CTTN: variants seen among roughly 807,000 people sequenced by gnomAD.
CTTN encodes src substrate cortactin.
Under a neutral mutation model 84.0 loss-of-function variants are expected in CTTN, and 28 were observed. The observed-to-expected ratio is 0.33, with a 90% CI of 0.25 to 0.46. CTTN has a LOEUF of 0.46. Ranked by LOEUF, CTTN falls within the 20% of genes least tolerant of loss-of-function variation. The pLI, the probability that CTTN is intolerant of heterozygous loss-of-function variation, is 1.00. For synonymous variants in CTTN, 301 were observed against 288.8 expected (o/e 1.04, Z -0.43); for missense variants, 641 against 723.8 (o/e 0.89, Z 1.31).
chr11:70,399,454 G>C (rs1235382949), intron 1 of CTTN, among the ~76,000 whole-genome samples: 1 of 152,052 alleles, frequency 6.6e-6, no homozygotes, highest in Non-Finnish European at 1.5e-5. Flanking sequence ...GGGACGTGGC[G>C]GAGCAGCTGG....
In CTTN at chr11:70,436,127, G is replaced by A. The variant is rs1005084464; in HGVS notation, c.*965G>A. ...GAACCCTCCTCCTGTCAATGGGGGT[G>A]TAGTATTTTTGCCAAAATATCATGT... On this transcript the variant is annotated 3_prime_UTR_variant, in exon 18 of 18. Transcript: ENST00000301843. 2.2e-5 allele frequency: 31 copies of A among 1,435,756 alleles called. No individual in the cohort carries two copies. Among genetic ancestry groups the A allele is most frequent in the Admixed American group, 5.7e-5 (2 of 34,956 alleles). The allele number at this position is 1,435,756 out of a possible 1,614,324, so 88.9% of individuals were successfully genotyped here. A position where few individuals can be genotyped will look rare whatever the true frequency, so the allele number is the denominator to read the frequency against.
At chr11:70,431,618 C>T (rs1223256588) in intron 15 of CTTN, among the ~76,000 whole-genome samples, 1 of 152,114 alleles carries the variant, frequency 6.6e-6, no homozygotes, top group Non-Finnish European at 1.5e-5. Context: ...CTCTGCTGTG[C>T]AGGACGCCGC....
intron 16 of CTTN, 157 bp from the exon 17 acceptor site, chr11:70,433,490 G>T (rs1336639042): frequency 3.8e-6 from 3 of 780,534 alleles, no homozygotes; most frequent in Non-Finnish European, 6.5e-6. Flanking sequence ...TCCCCATTGT[G>T]CTGGGGACGG....
rs2058407708 is a variant in CTTN at position 70,435,499 on chromosome 11, T to G, written c.*337T>G. On this transcript the variant is annotated 3_prime_UTR_variant, in exon 18 of 18. Transcript: ENST00000301843. Reference sequence around the variant, plus strand: ...AGCTCGCATTCTCTTGTGTTCGTGTTGCCCTCGTGCCCATCAAGTGCAGTC... The same window carrying G: ...AGCTCGCATTCTCTTGTGTTCGTGTGGCCCTCGTGCCCATCAAGTGCAGTC... 3 of 1,556,972 alleles carry G rather than the reference T, an allele frequency of 1.9e-6. No homozygotes were observed. Among genetic ancestry groups the G allele is most frequent in the Non-Finnish European group, 1.7e-6 (2 of 1,158,340 alleles).
At chr11:70,420,707 G>A (rs2058224309) in intron 10 of CTTN, among the ~76,000 whole-genome samples, 197 bp downstream of exon 10, 1 of 152,176 alleles carries the variant, frequency 6.6e-6, no homozygotes, top group Non-Finnish European at 1.5e-5. Flanking sequence ...CTGCTGACAC[G>A]GGGTGGTACC....
At position 70,436,188 on chromosome 11, in the gene CTTN, G is replaced by A; in HGVS notation, c.*1026G>A. ...TAGTTTGATCAGTTGAAGGCTAGAA[G>A]TGTGAAGTGCAGATGAGTGTGTGTT... On this transcript the variant is annotated 3_prime_UTR_variant, in exon 18 of 18. Coordinates refer to ENST00000301843, the MANE Select transcript of CTTN (RefSeq NM_005231.4). 2.6e-6 allele frequency: 4 copies of A among 1,524,728 alleles called. No homozygotes were observed. Among genetic ancestry groups the A allele is most frequent in the Non-Finnish European group, 3.5e-6 (4 of 1,144,978 alleles). 94.4% of individuals were successfully genotyped at this position (1,524,728 alleles called of 1,614,324 possible).
chr11:70,424,645 A>G (rs1250830016), intron 12 of CTTN, among the ~76,000 whole-genome samples: 1 of 152,020 alleles, frequency 6.6e-6, no homozygotes. Flanking sequence ...CTCAAGGGAC[A>G]TGGAGTAGAC....
At chr11:70,413,678 A>G (rs2058121704) in intron 5 of CTTN, among the ~76,000 whole-genome samples, 1 of 152,198 alleles carries the variant, frequency 6.6e-6, no homozygotes, top group Non-Finnish European at 1.5e-5. Context: ...GGCTGACGAC[A>G]TTAATGATGC....
chr11:70,435,180 C>CA lies in CTTN; in HGVS notation c.*18_*19insA. 1 of 1,595,796 alleles carries CA rather than the reference C, an allele frequency of 6.3e-7. No individual in the cohort carries two copies. The highest frequency in any genetic ancestry group is 1.3e-5 in the African/African-American group (1 of 74,526). ...GGCAGTAGGGCCCCCAGCCCCCCCC[C>CA]GGAGCTGCGCCCTGGATCCTCACAC... On this transcript the variant is annotated 3_prime_UTR_variant, in exon 18 of 18. Coordinates refer to ENST00000301843, the MANE Select transcript of CTTN (RefSeq NM_005231.4).
At chr11:70,427,624 G>T (rs764986874) in intron 13 of CTTN, among the ~76,000 whole-genome samples, 2 of 152,272 alleles carry the variant, frequency 1.3e-5, no homozygotes, top group Non-Finnish European at 2.9e-5. Flanking sequence ...GTGCCAGGCA[G>T]TGGTGGTCCT....
At chr11:70,420,900 C>T (rs2058228730) in intron 10 of CTTN, among the ~76,000 whole-genome samples, 1 of 152,076 alleles carries the variant, frequency 6.6e-6, no homozygotes, top group Non-Finnish European at 1.5e-5. Flanking sequence ...GGGACATGGG[C>T]CAAGCCTGCA....
chr11:70,417,491 G>A (rs56857709), intron 8 of CTTN, among the ~76,000 whole-genome samples: 3,669 of 151,150 alleles, frequency 0.024, 154 homozygotes, highest in African/African-American at 0.084. Context: ...GGTGTGACCT[G>A]TAAATTTTTT....
intron 1 of CTTN, among the ~76,000 whole-genome samples, chr11:70,399,823 G>C (rs996449066): frequency 6.6e-6 from 1 of 152,228 alleles, no homozygotes; most frequent in African/African-American, 2.4e-5. Flanking sequence ...TTTGGGCTCA[G>C]TGTTGACTTG....
At chr11:70,423,729 C>T (rs1019365895) in intron 12 of CTTN, among the ~76,000 whole-genome samples, 29 of 152,114 alleles carry the variant, frequency 1.9e-4, no homozygotes, top group African/African-American at 6.7e-4. Context: ...GGGTGGGGAG[C>T]GGGGATAGAG....
chr11:70,408,386 G>GATTTATTT (rs552594606), intron 4 of CTTN: 4 of 152,114 alleles, frequency 2.6e-5, no homozygotes, highest in African/African-American at 9.7e-5. Context: ...TGTTGTTAAA[G>GATTTATTT]ATTTATTTAT....
chr11:70,406,952 TATC>T (rs1261529470), intron 2 of CTTN, among the ~76,000 whole-genome samples: 1 of 152,260 alleles, frequency 6.6e-6, no homozygotes, highest in Non-Finnish European at 1.5e-5. Context: ...GGTTGGAAAC[TATC>T]ATCATATGAT....
Position 70,419,768 on chromosome 11 carries a change from C to T in CTTN, c.591C>T (p.Gly197=), listed in dbSNP as rs2058207198. The part of the protein sequence containing the change: ...SQRDYSKGFG[G]KYGIDKDKVD... ...TAGATTACTCCAAAGGTTTCGGCGG[C>T]AAATACGGTATCGACAAGGACAAAG... The change falls in exon 9 of 18, where the codon GGC becomes GGT. Residue 197 remains glycine, a synonymous_variant. Transcript: ENST00000301843. 1 of 1,610,872 alleles carries T rather than the reference C, an allele frequency of 6.2e-7. No individual in the cohort carries two copies. Among genetic ancestry groups the T allele is most frequent in the Non-Finnish European group, 8.5e-7 (1 of 1,179,404 alleles).
chr11:70,419,670 A>G, intron 8 of CTTN, 76 bp from the exon 9 acceptor site: 1 of 1,294,980 alleles, frequency 7.7e-7, no homozygotes, highest in Non-Finnish European at 1.1e-6. Context: ...TGTTTTTTTA[A>G]TCAAAGGATA....
At chr11:70,398,922 G>A (rs2057941840) in intron 1 of CTTN, among the ~76,000 whole-genome samples, 1 of 151,478 alleles carries the variant, frequency 6.6e-6, no homozygotes, top group Non-Finnish European at 1.5e-5. Context: ...GGGCCAAATT[G>A]GGGTATCAGC....
Sources: allele counts gnomAD v4.1 joint callset (sites outside exome capture counted in the v4.1 genomes callset), GRCh38; gene constraint gnomAD v4.1.1; transcripts MANE v1.5; gene names NCBI Gene and HGNC (gene_info 2026-07-23, HGNC 2026-07-21).